BPI: variants seen among roughly 807,000 people sequenced by gnomAD.
BPI encodes the protein bactericidal permeability increasing protein.
Under a neutral mutation model 57.6 loss-of-function variants are expected in BPI, and 48 were observed. The ratio of observed to expected loss-of-function variants is 0.83; its 90% confidence interval spans 0.66 to 1.06. The LOEUF (loss-of-function observed/expected upper bound fraction) is 1.06, where lower values mean the gene tolerates loss of function less well. Ranked by LOEUF, BPI falls within the 50% of genes least tolerant of loss-of-function variation. The probability of loss-of-function intolerance (pLI) is 0.00; values close to 1 mark genes in which losing one functional copy is unlikely to be tolerated. For missense variants in BPI, 651 were observed against 609.7 expected, an observed-to-expected ratio of 1.07 and a Z score of -0.71; for synonymous variants, 237 against 238.2, an observed-to-expected ratio of 0.99 and a Z score of 0.05.
chr20:38,335,673 A>G lies in BPI; in HGVS notation c.1412A>G (p.Gln471Arg), dbSNP rs766582566. Residue 471 changes from glutamine to arginine, a missense_variant and splice_region_variant, in exon 14 of 15, where the codon CAG becomes CGG. Gln to Arg is a conservative substitution (Grantham distance 43). Coordinates refer to ENST00000642449, the MANE Select transcript of BPI (RefSeq NM_001725.3). ...QLYNVVLQPH[Q>R]NFLLFGADVV... The stretch of plus-strand genomic sequence containing the variant: ...TACAACGTAGTGCTTCAGCCTCACC[A>G]GGTGAGTCCCGGAGTCTTTTCCACA... 1 of 1,614,056 alleles carries G rather than the reference A, an allele frequency of 6.2e-7. No homozygotes were observed. The highest frequency in any genetic ancestry group is 1.1e-5 in the South Asian group (1 of 91,082).
At chr20:38,314,193 A>ATGGTGG in intron 5 of BPI, among the ~76,000 whole-genome samples, 1 of 108,004 alleles carries the variant, frequency 9.3e-6, no homozygotes, top group Non-Finnish European at 1.9e-5. Context: ...AATGATGGTG[A>ATGGTGG]TGGTGATGGT....
chr20:38,331,473 T>C (rs2076742285), intron 12 of BPI, among the ~76,000 whole-genome samples: 1 of 152,084 alleles, frequency 6.6e-6, no homozygotes, highest in African/African-American at 2.4e-5. Context: ...CTCTTCCAAG[T>C]ATGGGGTAGG....
At chr20:38,317,687 G>C (rs2076658725) in intron 5 of BPI, 5 of 839,602 alleles carry the variant, frequency 6.0e-6, no homozygotes, top group Middle Eastern at 2.2e-4. Context: ...TCCATCTCTT[G>C]GTGGGGGTGT....
At chr20:38,313,251 T>C (rs992963768) in intron 5 of BPI, among the ~76,000 whole-genome samples, 3 of 151,952 alleles carry the variant, frequency 2.0e-5, no homozygotes, top group African/African-American at 4.8e-5. Context: ...GGCATGGTGA[T>C]ACATGCCTGT....
chr20:38,306,418 G>A (rs1025819052), intron 1 of BPI, among the ~76,000 whole-genome samples: 2 of 152,218 alleles, frequency 1.3e-5, no homozygotes, highest in African/African-American at 4.8e-5. Context: ...ACAGATTGCT[G>A]CTGACTTCAG....
chr20:38,334,096 G>T (rs1430076039), intron 12 of BPI, among the ~76,000 whole-genome samples: 1 of 152,164 alleles, frequency 6.6e-6, no homozygotes, highest in Non-Finnish European at 1.5e-5. Flanking sequence ...GTGTCTGAGA[G>T]GACTCATTTT....
At position 38,320,204 on chromosome 20, in the gene BPI, T is replaced by C. The variant is rs771920804; in HGVS notation, c.686T>C (p.Val229Ala). 1.2e-6 allele frequency: 2 copies of C among 1,614,084 alleles called. No individual in the cohort carries two copies. Among genetic ancestry groups the C allele is most frequent in the Admixed American group, 3.3e-5 (2 of 60,028 alleles). ...TLPVMTKIDS[V>A]AGINYGLVAP... ...CTAGTAATGACCAAAATAGATTCTG[T>C]GGCTGGAATCAACTATGGTCTGGTG... Residue 229 changes from valine (V) to alanine (A), a missense_variant, in exon 7 of 15, where the codon GTG (valine) becomes GCG (alanine). By Grantham distance (64) the Val-to-Ala change is moderately conservative. Coordinates refer to ENST00000642449, the MANE Select transcript of BPI (RefSeq NM_001725.3).
chr20:38,323,736 T>C, intron 7 of BPI, 134 bp from the exon 8 acceptor site: 3 of 974,640 alleles, frequency 3.1e-6, no homozygotes, highest in Non-Finnish European at 4.5e-6. Flanking sequence ...TTGATGCTAC[T>C]GTTAGTTTCT....
At chr20:38,324,920 C>A in intron 9 of BPI, 87 bp downstream of exon 9, 1 of 1,048,164 alleles carries the variant, frequency 9.5e-7, no homozygotes, top group South Asian at 1.3e-5. Context: ...AGCCCTCCAC[C>A]CAACATAACA....
At position 38,326,286 on chromosome 20, in the gene BPI, A is replaced by G. The variant is rs536359113; in HGVS notation, c.1015A>G (p.Met339Val). ...GCAGGTGGCCAAGAAGTTTCCCAACATGAAGATACAGATCCATGTCTCAGC... is the reference window on the plus strand; with the variant it reads ...GCAGGTGGCCAAGAAGTTTCCCAACGTGAAGATACAGATCCATGTCTCAGC... Reference protein sequence around the residue: ...LPEVAKKFPNMKIQIHVSAST... With the variant: ...LPEVAKKFPNVKIQIHVSAST... Residue 339 changes from methionine (M) to valine (V), a missense_variant, in exon 10 of 15, where the codon ATG (methionine) becomes GTG (valine). By Grantham distance (21) the Met-to-Val change is conservative. Coordinates refer to ENST00000642449, the MANE Select transcript of BPI (RefSeq NM_001725.3). The G allele has an allele frequency of 3.7e-6, 6 of 1,613,188 alleles. No individual in the cohort carries two copies. In the South Asian group the frequency reaches 6.6e-5, roughly 18 times the overall value.
chr20:38,336,555 C>T (rs2076768421), intron 14 of BPI, among the ~76,000 whole-genome samples: 1 of 152,008 alleles, frequency 6.6e-6, no homozygotes, highest in Non-Finnish European at 1.5e-5. Context: ...ACTTGTGGCC[C>T]TCCTGGGGAG....
chr20:38,329,494 G>A (rs1267504903), intron 11 of BPI, among the ~76,000 whole-genome samples: 1 of 152,314 alleles, frequency 6.6e-6, no homozygotes, highest in Non-Finnish European at 1.5e-5. Flanking sequence ...ACACCCATGG[G>A]CCTCTAAAGT....
At chr20:38,330,964 G>A in intron 11 of BPI, 84 bp from the exon 12 acceptor site, 2 of 1,505,988 alleles carry the variant, frequency 1.3e-6, no homozygotes, top group Non-Finnish European at 1.8e-6. Context: ...GTATCCACCA[G>A]AGTGGGTCTC....
chr20:38,316,904 G>T (rs1406868380), intron 5 of BPI, among the ~76,000 whole-genome samples: 2 of 152,212 alleles, frequency 1.3e-5, no homozygotes, highest in African/African-American at 4.8e-5. Flanking sequence ...CTAAGTGGAA[G>T]GGACAGGGAG....
intron 3 of BPI, among the ~76,000 whole-genome samples, chr20:38,309,895 G>T (rs1459365288): frequency 6.6e-6 from 1 of 152,114 alleles, no homozygotes; most frequent in African/African-American, 2.4e-5. Flanking sequence ...GCGTGAGTCT[G>T]CCCGCCCTTA....
chr20:38,331,140 G>C, intron 12 of BPI, 50 bp downstream of exon 12: 1 of 1,580,550 alleles, frequency 6.3e-7, no homozygotes, highest in Non-Finnish European at 8.7e-7. Context: ...CCTGGCGGCG[G>C]GGAGGGGGAC....
intron 5 of BPI, chr20:38,317,844 G>A (rs1446910306): frequency 1.3e-6 from 2 of 1,495,958 alleles, no homozygotes; most frequent in Admixed American, 2.1e-5. Flanking sequence ...GATTTTCTCA[G>A]GCTAGTGTTT....
chr20:38,336,579 A>C (rs2122575655), intron 14 of BPI, among the ~76,000 whole-genome samples: 1 of 152,174 alleles, frequency 6.6e-6, no homozygotes, highest in East Asian at 1.9e-4. Flanking sequence ...CGCATCACCC[A>C]GATCCCTCCC....
At chr20:38,320,356 T>C (rs1168718893) in intron 7 of BPI, 82 bp downstream of exon 7, 1 of 1,271,076 alleles carries the variant, frequency 7.9e-7, no homozygotes, top group Non-Finnish European at 1.1e-6. Context: ...GAAACAAACT[T>C]AACAATGTCC....
Sources: allele counts gnomAD v4.1 joint callset (sites outside exome capture counted in the v4.1 genomes callset), GRCh38; gene constraint gnomAD v4.1.1; transcripts MANE v1.5; gene names NCBI Gene and HGNC (gene_info 2026-07-23, HGNC 2026-07-21).